CEP112: variants seen among roughly 807,000 people sequenced by gnomAD.
The protein encoded by CEP112 is centrosomal protein of 112 kDa.
In CEP112, 127 loss-of-function variants were observed where a neutral mutation model predicts 153.0. The ratio of observed to expected loss-of-function variants is 0.83; its 90% CI spans 0.72 to 0.96. The LOEUF is 0.96. Ranked by LOEUF, CEP112 falls within the 40% of genes least tolerant of loss-of-function variation. The pLI, the probability that CEP112 is intolerant of heterozygous loss-of-function variation, is 0.00. For synonymous variants in CEP112, 358 were observed against 374.4 expected, an observed-to-expected ratio of 0.96 and a Z score of 0.51; for missense variants, 1,089 against 1,101.2, an observed-to-expected ratio of 0.99 and a Z score of 0.16.
At chr17:65,946,725 T>A (rs1437367102) in intron 18 of CEP112, among the ~76,000 whole-genome samples, 1 of 152,100 alleles carries the variant, frequency 6.6e-6, no homozygotes, top group Non-Finnish European at 1.5e-5. Context: ...TTTTTTAAAA[T>A]TTTTTTTATT....
At chr17:66,028,219 G>T in intron 15 of CEP112, 94 bp downstream of exon 15, 1 of 720,652 alleles carries the variant, frequency 1.4e-6, no homozygotes, top group Non-Finnish European at 2.4e-6. Context: ...CTGCATTTCT[G>T]AGTTTTATTT....
chr17:65,996,877 C>G (rs1374260734), intron 17 of CEP112, among the ~76,000 whole-genome samples: 1 of 152,068 alleles, frequency 6.6e-6, no homozygotes, highest in Non-Finnish European at 1.5e-5. Flanking sequence ...AAGAAGAAAG[C>G]CTGAAGCCTC....
At chr17:66,027,599 T>A (rs1222268338) in intron 15 of CEP112, 39 bp from the exon 16 acceptor site, 5 of 1,165,534 alleles carry the variant, frequency 4.3e-6, no homozygotes, top group Non-Finnish European at 5.8e-6. Context: ...ATACTTTAAA[T>A]TATACTAGAG....
At chr17:65,672,712 G>T (rs2047046130) in intron 24 of CEP112, among the ~76,000 whole-genome samples, 1 of 152,128 alleles carries the variant, frequency 6.6e-6, no homozygotes, top group Admixed American at 6.6e-5. Flanking sequence ...AGGCACTGTG[G>T]CTCTGAAGCT....
intron 16 of CEP112, among the ~76,000 whole-genome samples, chr17:66,017,310 C>T (rs558872357): frequency 1.3e-5 from 2 of 152,254 alleles, no homozygotes; most frequent in East Asian, 1.9e-4. Context: ...GCACAAGCAC[C>T]TTGATCTAAT....
intron 12 of CEP112, among the ~76,000 whole-genome samples, chr17:66,048,706 T>A (rs1356968486): frequency 1.3e-5 from 2 of 152,034 alleles, no homozygotes; most frequent in Non-Finnish European, 2.9e-5. Context: ...GTCTCCTGGG[T>A]TCAGACAATT....
chr17:65,655,163 T>C (rs574653034), intron 24 of CEP112: 16 of 755,160 alleles, frequency 2.1e-5, no homozygotes, highest in African/African-American at 1.4e-4. Flanking sequence ...AAAGTGTATG[T>C]AGGCAGAAAT....
chr17:66,155,136 C>T (rs1319571702), intron 4 of CEP112, among the ~76,000 whole-genome samples: 4 of 152,138 alleles, frequency 2.6e-5, no homozygotes, highest in Non-Finnish European at 4.4e-5. Flanking sequence ...GTCAGGAGCT[C>T]CCAGTGAAAT....
intron 24 of CEP112, among the ~76,000 whole-genome samples, chr17:65,683,983 G>A (rs1457996618): frequency 6.6e-6 from 1 of 152,190 alleles, no homozygotes; most frequent in Non-Finnish European, 1.5e-5. Context: ...AGAGGTTGCA[G>A]TGAGCCAAGA....
At chr17:65,723,370 G>C (rs566623446) in intron 23 of CEP112, among the ~76,000 whole-genome samples, 1 of 152,278 alleles carries the variant, frequency 6.6e-6, no homozygotes, top group Admixed American at 6.5e-5. Context: ...ATCAATATTT[G>C]CTAAAATATG....
chr17:66,174,155 C>T (rs1011763470), intron 4 of CEP112, among the ~76,000 whole-genome samples: 3 of 152,050 alleles, frequency 2.0e-5, no homozygotes, highest in Non-Finnish European at 4.4e-5. Flanking sequence ...GTCTCGATCT[C>T]CTGACCTCGT....
At chr17:66,040,549 T>G (rs1305638700) in intron 12 of CEP112, among the ~76,000 whole-genome samples, 1 of 145,868 alleles carries the variant, frequency 6.9e-6, no homozygotes, top group Admixed American at 7.2e-5. Flanking sequence ...CAGGCTAGAG[T>G]GCAGTGGTGC....
chr17:65,980,031 A>T (rs767531438), intron 17 of CEP112, among the ~76,000 whole-genome samples: 1 of 152,174 alleles, frequency 6.6e-6, no homozygotes, highest in Admixed American at 6.5e-5. Context: ...ATAACACCCC[A>T]TTAAAAAAGA....
intron 21 of CEP112, among the ~76,000 whole-genome samples, chr17:65,816,952 C>T (rs781753176): frequency 6.6e-6 from 1 of 151,928 alleles, no homozygotes; most frequent in Non-Finnish European, 1.5e-5. Flanking sequence ...AAACTAATTC[C>T]ATAAAAACAT....
At chr17:65,893,517 G>A (rs1408250420) in intron 20 of CEP112, among the ~76,000 whole-genome samples, 1 of 151,960 alleles carries the variant, frequency 6.6e-6, no homozygotes, top group Non-Finnish European at 1.5e-5. Flanking sequence ...TAAAACAAGT[G>A]AAAAAGTATA....
chr17:65,730,072 C>T (rs187525403), intron 23 of CEP112, among the ~76,000 whole-genome samples: 3 of 152,332 alleles, frequency 2.0e-5, no homozygotes, highest in East Asian at 1.9e-4. Context: ...CTCACATATT[C>T]GTGTATTCGC....
At chr17:66,045,080 T>TAA (rs2066146447) in intron 12 of CEP112, among the ~76,000 whole-genome samples, 4 of 136,464 alleles carry the variant, frequency 2.9e-5, no homozygotes, top group Admixed American at 1.6e-4. Context: ...AAAAAAAATT[T>TAA]TTTTTTTTGA....
chr17:65,799,660 G>A lies in CEP112; in HGVS notation c.2395-48936C>T, dbSNP rs187560521. Among the ~76,000 whole-genome samples the A allele has an allele frequency of 6.6e-5, 10 of 152,326 alleles. No homozygotes were observed. The East Asian group carries it at 1.9e-3, about 29-fold the overall frequency. ...CTAAAGCAACTACAGTTCTGAGGAG[G>A]CAAAGGCAGTGAAAAGGGGCTATCT... On this transcript the variant is annotated intron_variant, in intron 21 of 26. Coordinates refer to ENST00000535342, the MANE Select transcript of CEP112 (RefSeq NM_001199165.4).
intron 23 of CEP112, among the ~76,000 whole-genome samples, chr17:65,721,566 A>G (rs889402821): frequency 6.6e-6 from 1 of 152,342 alleles, no homozygotes; most frequent in Non-Finnish European, 1.5e-5. Context: ...ATCATCTAGC[A>G]TCATAGAAAC....
Sources: gnomAD v4.1 joint callset for allele counts (sites outside exome capture counted in the v4.1 genomes callset) on GRCh38, gnomAD v4.1.1 for gene constraint, MANE v1.5 for transcripts, NCBI Gene and HGNC (gene_info 2026-07-23, HGNC 2026-07-21) for gene names.